DNER: variants seen among roughly 807,000 people sequenced by gnomAD.
DNER encodes the protein delta/notch like EGF repeat containing.
Under a neutral mutation model 78.2 loss-of-function variants are expected in DNER, and 33 were observed. The ratio of observed to expected loss-of-function variants is 0.42; its 90% CI spans 0.32 to 0.56. DNER has a LOEUF of 0.56. DNER is among the 20% of genes least tolerant of loss of function. The pLI is 0.11. For synonymous variants in DNER, 417 were observed against 384.8 expected, an observed-to-expected ratio of 1.08 and a Z score of -0.98; for missense variants, 918 against 975.3, an observed-to-expected ratio of 0.94 and a Z score of 0.78.
At position 229,397,017 on chromosome 2, in the gene DNER, G is replaced by A. The variant is rs574362074; in HGVS notation, c.1724-8621C>T. ...GTGGGTTTGCATAGACCTGCCCACC[G>A]TGGAACAAACAGATACATCACAATC... is the stretch of plus-strand genomic sequence containing the variant. On this transcript the variant is annotated intron_variant, in intron 10 of 12. Coordinates refer to ENST00000341772, the MANE Select transcript of DNER (RefSeq NM_139072.4). Among the ~76,000 whole-genome samples, 176 of 152,206 alleles carry A rather than the reference G, an allele frequency of 1.2e-3. 8 individuals carry two copies. The South Asian group carries it at 0.035, about 30-fold the overall frequency.
At chr2:229,631,654 G>A (rs1005881330) in intron 1 of DNER, among the ~76,000 whole-genome samples, 6 of 152,106 alleles carry the variant, frequency 3.9e-5, no homozygotes, top group Admixed American at 6.5e-5. Context: ...CCTGAAAAGT[G>A]ACAACCCCAG....
chr2:229,535,293 G>A (rs1696380316), intron 5 of DNER, among the ~76,000 whole-genome samples: 1 of 152,166 alleles, frequency 6.6e-6, no homozygotes, highest in East Asian at 1.9e-4. Context: ...AAGCCAAACA[G>A]TTTTGTAAAT....
chr2:229,676,517 T>A (rs1324695771), intron 1 of DNER, among the ~76,000 whole-genome samples: 6 of 152,336 alleles, frequency 3.9e-5, no homozygotes, highest in Middle Eastern at 3.4e-3. Context: ...TTTTCTTAGA[T>A]TTAGGTTCAC....
In DNER at chr2:229,658,742, C is replaced by G. The variant is rs140470839; in HGVS notation, c.276+55406G>C. On this transcript the variant is annotated intron_variant, in intron 1 of 12. Coordinates refer to ENST00000341772, the MANE Select transcript of DNER (RefSeq NM_139072.4). ...AGTGCCCAGACACCAAAAATCTAAT[C>G]TAATCTTGCCTTGATGCCCTATTCT... Among the ~76,000 whole-genome samples the G allele has an allele frequency of 2.4e-3, 369 of 152,194 alleles. 1 individual carries two copies. Among genetic ancestry groups the G allele is most frequent in the African/African-American group, 8.5e-3 (351 of 41,538 alleles).
At chr2:229,495,542 C>A (rs1695483631) in intron 6 of DNER, among the ~76,000 whole-genome samples, 1 of 152,162 alleles carries the variant, frequency 6.6e-6, no homozygotes, top group Admixed American at 6.5e-5. Context: ...GACCAATGTC[C>A]CAGCTCAAGG....
At chr2:229,478,850 G>T (rs138138103) in intron 6 of DNER, among the ~76,000 whole-genome samples, 114 of 151,854 alleles carry the variant, frequency 7.5e-4, no homozygotes, top group Middle Eastern at 3.4e-3. Context: ...TGCAGGATGC[G>T]CAGGTTTGTT....
chr2:229,674,270 C>T (rs1699263017), intron 1 of DNER, among the ~76,000 whole-genome samples: 1 of 152,202 alleles, frequency 6.6e-6, no homozygotes, highest in Non-Finnish European at 1.5e-5. Context: ...CCCAGACAGA[C>T]CCAGGACCCT....
Position 229,388,335 on chromosome 2 carries a change from G to T in DNER, c.1785C>A (p.Ser595Arg). ...CDSNPCHHGG[S>R]CLDQPNGYNC... ...TATAACCATTGGGCTGGTCCAGGCA[G>T]CTCCCACCATGGTGGCAGGGGTTAC... Residue 595 changes from serine (S) to arginine (R), a missense_variant, in exon 11 of 13, where the codon AGC becomes AGA. Coordinates refer to ENST00000341772, the MANE Select transcript of DNER (RefSeq NM_139072.4). The T allele has an allele frequency of 6.2e-7, 1 of 1,611,212 alleles. No homozygotes were observed. The highest frequency in any genetic ancestry group is 8.5e-7 in the Non-Finnish European group (1 of 1,178,506).
Position 229,409,554 on chromosome 2 carries a change from A to G in DNER, c.1610-2209T>C, listed in dbSNP as rs186660780. Among the ~76,000 whole-genome samples the G allele has an allele frequency of 3.1e-4, 47 of 152,348 alleles. 1 individual carries two copies. The highest frequency in any genetic ancestry group is 2.7e-3 in the Admixed American group (41 of 15,306). On this transcript the variant is annotated intron_variant, in intron 9 of 12. Coordinates refer to ENST00000341772, the MANE Select transcript of DNER (RefSeq NM_139072.4). ...TTACCTTTTATTTAAAGTCTTCAAC[A>G]AAATAAGACTTGATGAAAACACCCA... is the stretch of plus-strand genomic sequence containing the variant.
chr2:229,568,555 C>T (rs1162411853), intron 4 of DNER, among the ~76,000 whole-genome samples: 2 of 152,050 alleles, frequency 1.3e-5, no homozygotes, highest in East Asian at 3.9e-4. Context: ...TTTTATTTTG[C>T]AATTGCTTTG....
chr2:229,539,127 T>C (rs1696466594), intron 5 of DNER, among the ~76,000 whole-genome samples: 1 of 152,194 alleles, frequency 6.6e-6, no homozygotes, highest in Non-Finnish European at 1.5e-5. Flanking sequence ...CTTTGATTCT[T>C]TGTGGGCTCC....
At chr2:229,511,869 C>A (rs971657860) in intron 6 of DNER, among the ~76,000 whole-genome samples, 8 of 152,196 alleles carry the variant, frequency 5.3e-5, no homozygotes, top group African/African-American at 1.9e-4. Flanking sequence ...CCCATGTGAA[C>A]TTTCTTCTTC....
At position 229,450,123 on chromosome 2, in the gene DNER, T is replaced by A. The variant is rs116687522; in HGVS notation, c.1262-2583A>T. Among the ~76,000 whole-genome samples the A allele has an allele frequency of 7.1e-3, 1,087 of 152,274 alleles. 12 individuals are homozygous for A. The highest frequency in any genetic ancestry group is 0.025 in the African/African-American group (1,041 of 41,562). ...AGGACATTTTGATTATTTTTGTTCC[T>A]CCAGAAGAACTGAACTAATGATGAC... On this transcript the variant is annotated intron_variant, in intron 7 of 12. Coordinates refer to ENST00000341772, the MANE Select transcript of DNER (RefSeq NM_139072.4).
chr2:229,392,531 T>A (rs79103720), intron 10 of DNER, among the ~76,000 whole-genome samples: 8,703 of 152,272 alleles, frequency 0.057, 305 homozygotes, highest in Middle Eastern at 0.088. Flanking sequence ...ATCTGCTGCA[T>A]CCCGTAGGCT....
intron 1 of DNER, among the ~76,000 whole-genome samples, chr2:229,678,795 C>T (rs963276727): frequency 6.6e-6 from 1 of 152,202 alleles, no homozygotes; most frequent in Non-Finnish European, 1.5e-5. Flanking sequence ...CCTGTATTTA[C>T]AGGGTATAAG....
In DNER at chr2:229,516,801, A is replaced by G. The variant is rs550213286; in HGVS notation, c.994-3865T>C. Reference sequence around the variant, plus strand: ...CGCTGTCTCTAAAAAAAAAAAAAAAAAAAGAAAAGAAAAGAAAAGAAAAAG... The same window carrying G: ...CGCTGTCTCTAAAAAAAAAAAAAAAGAAAGAAAAGAAAAGAAAAGAAAAAG... On this transcript the variant is annotated intron_variant, in intron 5 of 12. Coordinates refer to ENST00000341772, the MANE Select transcript of DNER (RefSeq NM_139072.4). Among the ~76,000 whole-genome samples the G allele has an allele frequency of 2.8e-3, 208 of 73,156 alleles. 1 individual carries two copies. Among genetic ancestry groups the G allele is most frequent in the Middle Eastern group, 0.016 (3 of 186 alleles). 48.0% of individuals were successfully genotyped at this position (73,156 alleles called of 152,430 possible).
At chr2:229,393,000 C>G (rs1395907203) in intron 10 of DNER, among the ~76,000 whole-genome samples, 1 of 151,766 alleles carries the variant, frequency 6.6e-6, no homozygotes, top group Non-Finnish European at 1.5e-5. Context: ...TGGATGAGAG[C>G]TAGCAGACAA....
At chr2:229,427,308 A>C (rs1482019659) in intron 8 of DNER, among the ~76,000 whole-genome samples, 1 of 152,192 alleles carries the variant, frequency 6.6e-6, no homozygotes, top group African/African-American at 2.4e-5. Flanking sequence ...TAATAGCCAC[A>C]TGGGGAAGGT....
intron 5 of DNER, among the ~76,000 whole-genome samples, chr2:229,519,333 T>C (rs1166027762): frequency 6.6e-6 from 1 of 152,200 alleles, no homozygotes; most frequent in African/African-American, 2.4e-5. Flanking sequence ...TCTTGCTTTA[T>C]GGATCAGAAC....
Sources: allele counts gnomAD v4.1 joint callset (sites outside exome capture counted in the v4.1 genomes callset), GRCh38; gene constraint gnomAD v4.1.1; transcripts MANE v1.5; gene names NCBI Gene and HGNC (gene_info 2026-07-23, HGNC 2026-07-21).